SNTG1: variants seen among roughly 807,000 people sequenced by gnomAD.
The protein encoded by SNTG1 is gamma-1-syntrophin.
A neutral mutation model predicts 74.7 loss-of-function variants in SNTG1; 39 were observed. The ratio of observed to expected loss-of-function variants is 0.52; its 90% CI spans 0.40 to 0.68. The LOEUF is 0.68. Among genes scored for constraint, SNTG1 ranks in the 30% least tolerant of loss-of-function variants. SNTG1 has a pLI of 0.00. For synonymous variants in SNTG1, 254 were observed against 217.1 expected, an observed-to-expected ratio of 1.17 and a Z score of -1.49; for missense variants, 685 against 609.5, an observed-to-expected ratio of 1.12 and a Z score of -1.30.
intron 1 of SNTG1, among the ~76,000 whole-genome samples, chr8:50,059,363 AACTC>A (rs1454756616): frequency 6.6e-6 from 1 of 152,106 alleles, no homozygotes; most frequent in African/African-American, 2.4e-5. Flanking sequence ...CACAGCTTAT[AACTC>A]ACTCGTTTGA....
At chr8:50,368,008 G>GA (rs2092163921) in intron 2 of SNTG1, among the ~76,000 whole-genome samples, 1 of 152,112 alleles carries the variant, frequency 6.6e-6, no homozygotes, top group African/African-American at 2.4e-5. Context: ...GGGACTATTG[G>GA]TAGAAACGTG....
chr8:50,679,328 C>G (rs1442114462), intron 15 of SNTG1, among the ~76,000 whole-genome samples: 2 of 152,108 alleles, frequency 1.3e-5, no homozygotes, highest in Non-Finnish European at 2.9e-5. Context: ...ATAGAATGAA[C>G]TAGCCTGATG....
intron 1 of SNTG1, among the ~76,000 whole-genome samples, chr8:50,013,581 A>G (rs906032219): frequency 6.6e-6 from 1 of 151,950 alleles, no homozygotes; most frequent in Non-Finnish European, 1.5e-5. Context: ...AACTATCTGG[A>G]AAAGTAGGAA....
chr8:50,753,600 C>T (rs1428264313), intron 18 of SNTG1, among the ~76,000 whole-genome samples: 3 of 151,932 alleles, frequency 2.0e-5, no homozygotes, highest in South Asian at 2.1e-4. Flanking sequence ...TTTAGTGTAG[C>T]GTGTATTATA....
At chr8:50,207,552 G>T (rs1048916858) in intron 2 of SNTG1, among the ~76,000 whole-genome samples, 3 of 151,744 alleles carry the variant, frequency 2.0e-5, no homozygotes, top group Non-Finnish European at 4.4e-5. Flanking sequence ...GGGTTTTTTT[G>T]TGTCTCTATC....
Position 50,084,144 on chromosome 8 carries a change from T to C in SNTG1, c.-102-88417T>C, listed in dbSNP as rs572406589. Among the ~76,000 whole-genome samples, 329 of 152,208 alleles carry C rather than the reference T, an allele frequency of 2.2e-3. 2 individuals carry two copies. Among genetic ancestry groups the C allele is most frequent in the South Asian group, 6.4e-3 (31 of 4,820 alleles). On this transcript the variant is annotated intron_variant, in intron 1 of 18. Transcript: ENST00000642720. ...TCGGGGGAAATGTTGTGCTAAATAGTGTATGCTAGAAAATATTTAAGTAAA... is the reference window on the plus strand; with the variant it reads ...TCGGGGGAAATGTTGTGCTAAATAGCGTATGCTAGAAAATATTTAAGTAAA...
intron 9 of SNTG1, among the ~76,000 whole-genome samples, chr8:50,508,918 A>G (rs2094036799): frequency 1.3e-5 from 2 of 152,024 alleles, no homozygotes; most frequent in Admixed American, 1.3e-4. Flanking sequence ...GAAGCTCTTT[A>G]GTTTAATTAG....
intron 4 of SNTG1, among the ~76,000 whole-genome samples, chr8:50,438,177 T>C (rs538554971): frequency 2.0e-5 from 3 of 152,146 alleles, no homozygotes; most frequent in African/African-American, 7.2e-5. Flanking sequence ...TGCCTCTGAG[T>C]TACTTTTATA....
rs142294255 is a variant in SNTG1 at position 50,237,138 on chromosome 8, C to T, written c.-28+64503C>T. ...TTTTTTTCCTCACTCTATTTTTTTA[C>T]CTTTTTTTTTCTTGCAGTTCATTTC... On this transcript the variant is annotated intron_variant, in intron 2 of 18. Coordinates refer to ENST00000642720, the MANE Select transcript of SNTG1 (RefSeq NM_018967.5). Among the ~76,000 whole-genome samples, 548 of 152,040 alleles carry T rather than the reference C, an allele frequency of 3.6e-3. 4 individuals carry two copies. Among genetic ancestry groups the T allele is most frequent in the African/African-American group, 0.013 (524 of 41,482 alleles).
chr8:50,019,364 T>A, intron 1 of SNTG1, among the ~76,000 whole-genome samples: 1 of 151,958 alleles, frequency 6.6e-6, no homozygotes. Flanking sequence ...AAACAGAAAA[T>A]ACAAACGAGT....
chr8:50,017,540 G>A (rs1816436447), intron 1 of SNTG1, among the ~76,000 whole-genome samples: 1 of 151,776 alleles, frequency 6.6e-6, no homozygotes, highest in Admixed American at 6.6e-5. Flanking sequence ...CATTTTTCAT[G>A]GAAAGACACA....
At chr8:50,064,392 T>C (rs781013222) in intron 1 of SNTG1, among the ~76,000 whole-genome samples, 2 of 152,048 alleles carry the variant, frequency 1.3e-5, no homozygotes, top group Non-Finnish European at 2.9e-5. Flanking sequence ...ACTAAACCCA[T>C]CTCCTTCTGC....
chr8:50,322,770 C>T (rs2130822714), intron 2 of SNTG1, among the ~76,000 whole-genome samples: 1 of 151,844 alleles, frequency 6.6e-6, no homozygotes, highest in South Asian at 2.1e-4. Flanking sequence ...TTCAAATAGC[C>T]TGTCTTCAAG....
At chr8:50,601,582 G>A (rs564608923) in intron 13 of SNTG1, among the ~76,000 whole-genome samples, 1 of 152,174 alleles carries the variant, frequency 6.6e-6, no homozygotes, top group African/African-American at 2.4e-5. Flanking sequence ...CTGAGGAGAA[G>A]AATGTTTATT....
intron 2 of SNTG1, among the ~76,000 whole-genome samples, chr8:50,354,956 C>T (rs2091776937): frequency 6.6e-6 from 1 of 152,104 alleles, no homozygotes; most frequent in Non-Finnish European, 1.5e-5. Flanking sequence ...TTCCTGAAAG[C>T]TGAAGGATAT....
intron 2 of SNTG1, among the ~76,000 whole-genome samples, chr8:50,173,011 G>A (rs1368372038): frequency 1.2e-5 from 1 of 80,110 alleles, no homozygotes; most frequent in Non-Finnish European, 3.0e-5. Context: ...TCTTCATGAA[G>A]ATGGTAACTG....
At chr8:50,027,183 A>G (rs1053376025) in intron 1 of SNTG1, among the ~76,000 whole-genome samples, 1 of 152,134 alleles carries the variant, frequency 6.6e-6, no homozygotes, top group African/African-American at 2.4e-5. Flanking sequence ...CAAAGGGGGA[A>G]TTAAGTTCAT....
intron 1 of SNTG1, among the ~76,000 whole-genome samples, chr8:49,966,387 A>T (rs114331372): frequency 0.049 from 7,414 of 151,848 alleles, 603 homozygotes; most frequent in African/African-American, 0.17. Flanking sequence ...GTCTTTTTTT[A>T]AATTAATTAA....
chr8:50,573,935 A>C (rs1280202496), intron 12 of SNTG1, among the ~76,000 whole-genome samples: 1 of 152,044 alleles, frequency 6.6e-6, no homozygotes, highest in Admixed American at 6.5e-5. Flanking sequence ...ACGTGATAGA[A>C]TCAAATAACA....
Sources: allele counts gnomAD v4.1 joint callset (sites outside exome capture counted in the v4.1 genomes callset), GRCh38; gene constraint gnomAD v4.1.1; transcripts MANE v1.5; gene names NCBI Gene and HGNC (gene_info 2026-07-23, HGNC 2026-07-21).